The following MEIG1 variants were observed in gnomAD, a reference collection of about 807,000 sequenced individuals.
MEIG1 encodes the protein meiosis expressed gene 1 protein homolog.
In MEIG1, 12 loss-of-function variants were observed where a neutral mutation model predicts 11.3. The observed-to-expected ratio is 1.07, with a 90% CI of 0.68 to 1.73. MEIG1 has a LOEUF of 1.73. MEIG1 is among the 40% of genes most tolerant of loss of function. MEIG1 has a pLI of 0.00. For synonymous variants in MEIG1, 41 were observed against 33.2 expected (o/e 1.24, Z -0.81); for missense variants, 119 against 104.9 (o/e 1.13, Z -0.59).
downstream of MEIG1, among the ~76,000 whole-genome samples, chr10:14,975,405 T>G (rs553892267): frequency 2.6e-5 from 4 of 152,132 alleles, no homozygotes; most frequent in Non-Finnish European, 2.9e-5. Context: ...ACTCCCAATA[T>G]GGCAGGGGGT....
chr10:14,977,507 C>T (rs1266311531), downstream of MEIG1, among the ~76,000 whole-genome samples: 2 of 151,994 alleles, frequency 1.3e-5, no homozygotes, highest in African/African-American at 4.8e-5. Context: ...CCTATAATGT[C>T]ACAGGGGGTG....
At chr10:14,987,673 G>A (rs1378076102) in intron 2 of MEIG1, 1 of 350,944 alleles carries the variant, frequency 2.8e-6, no homozygotes, top group Non-Finnish European at 5.3e-6. Flanking sequence ...AAAATCCACT[G>A]AAGAATATCA....
At chr10:14,954,276 C>A in the MEIG1 span, 2 of 567,718 alleles carry the variant, frequency 3.5e-6, no homozygotes, top group Non-Finnish European at 6.3e-6. Context: ...AAGGCTCATT[C>A]CCGCCCAACA....
At chr10:14,972,445 G>T in intron 2 of MEIG1, 68 bp from the exon 3 acceptor site, 2 of 1,592,412 alleles carry the variant, frequency 1.3e-6, no homozygotes, top group Non-Finnish European at 1.7e-6. Context: ...TTAACTATTT[G>T]ATAGTAAAAT....
At chr10:14,979,345 C>T (rs757655659) in intron 1 of MEIG1, among the ~76,000 whole-genome samples, 1 of 151,930 alleles carries the variant, frequency 6.6e-6, no homozygotes, top group Non-Finnish European at 1.5e-5. Flanking sequence ...AGGAGGTGTA[C>T]ACCCTGTGAT....
intron 2 of MEIG1, among the ~76,000 whole-genome samples, chr10:14,971,134 C>G (rs1430587130): frequency 6.6e-6 from 1 of 151,306 alleles, no homozygotes; most frequent in African/African-American, 2.4e-5. Context: ...CACCTGCAAT[C>G]CCAACACTTT....
chr10:14,967,706 C>G (rs1020575732), intron 2 of MEIG1, among the ~76,000 whole-genome samples: 1 of 152,086 alleles, frequency 6.6e-6, no homozygotes, highest in African/African-American at 2.4e-5. Context: ...TTGTGTATAA[C>G]TTTTGACTCC....
downstream of MEIG1, among the ~76,000 whole-genome samples, chr10:14,976,045 G>T (rs147990492): frequency 7.6e-3 from 1,151 of 152,248 alleles, 8 homozygotes; most frequent in African/African-American, 0.027. Flanking sequence ...TAATATCCAG[G>T]GGGGGACCGG....
At chr10:14,955,464 G>T (rs1842920795), upstream of MEIG1, among the ~76,000 whole-genome samples, 1 of 152,140 alleles carries the variant, frequency 6.6e-6, no homozygotes, top group Non-Finnish European at 1.5e-5. Flanking sequence ...CAGCACTTTG[G>T]AGGGCTGAGG....
chr10:14,980,096 T>A (rs1047119401), intron 1 of MEIG1, among the ~76,000 whole-genome samples: 2 of 152,002 alleles, frequency 1.3e-5, no homozygotes, highest in African/African-American at 4.8e-5. Flanking sequence ...GTTACTAGTG[T>A]CACCATGCCT....
chr10:14,986,035 G>A (rs915012153), intron 1 of MEIG1, among the ~76,000 whole-genome samples: 3 of 151,890 alleles, frequency 2.0e-5, no homozygotes, highest in Admixed American at 1.3e-4. Context: ...TATCACAGTG[G>A]GTGTACCCCA....
At chr10:14,976,099 T>A (rs1030203199), downstream of MEIG1, among the ~76,000 whole-genome samples, 1 of 152,076 alleles carries the variant, frequency 6.6e-6, no homozygotes, top group Non-Finnish European at 1.5e-5. Context: ...TCCGCCCCCT[T>A]GCGACGGGAA....
downstream of MEIG1, among the ~76,000 whole-genome samples, chr10:14,976,782 T>C (rs1347961065): frequency 6.6e-6 from 1 of 152,100 alleles, no homozygotes. Flanking sequence ...CACCCTTTCA[T>C]ATTCTTCATA....
chr10:14,963,285 G>A (rs762995279), intron 1 of MEIG1, among the ~76,000 whole-genome samples: 1 of 151,052 alleles, frequency 6.6e-6, no homozygotes, highest in African/African-American at 2.4e-5. Context: ...TAGTAGCGAC[G>A]GGTTTCTCCA....
chr10:14,981,518 T>C (rs1346181841), intron 1 of MEIG1, among the ~76,000 whole-genome samples: 1 of 152,134 alleles, frequency 6.6e-6, no homozygotes, highest in African/African-American at 2.4e-5. Context: ...TCAAGAGTCT[T>C]TTTGGATAAG....
chr10:14,983,651 AAGAAG>A (rs2131284628), intron 1 of MEIG1, among the ~76,000 whole-genome samples: 1 of 152,122 alleles, frequency 6.6e-6, no homozygotes, highest in Non-Finnish European at 1.5e-5. Context: ...TATTATCCAG[AAGAAG>A]AGAAGATGAT....
At chr10:14,956,442 C>T (rs1046578342), upstream of MEIG1, among the ~76,000 whole-genome samples, 7 of 151,442 alleles carry the variant, frequency 4.6e-5, no homozygotes, top group Admixed American at 6.6e-5. Context: ...AATAGCCAGG[C>T]ATGGAGTCAG....
At chr10:14,964,585 G>GTGTGTGTA (rs1378376059) in intron 1 of MEIG1, among the ~76,000 whole-genome samples, 11 of 93,032 alleles carry the variant, frequency 1.2e-4, no homozygotes, top group South Asian at 1.1e-3. Flanking sequence ...GTGTGTGTGT[G>GTGTGTGTA]TATATATATA....
At position 14,967,504 on chromosome 10, in the gene MEIG1, A is replaced by AT. The variant is rs34624834; in HGVS notation, c.138+916dup. Among the ~76,000 whole-genome samples the AT allele has an allele frequency of 2.7e-3, 364 of 135,312 alleles. 2 individuals are homozygous for AT. Among genetic ancestry groups the AT allele is most frequent in the Non-Finnish European group, 3.3e-3 (203 of 61,652 alleles). The allele number at this position is 135,312 out of a possible 152,430, so 88.8% of individuals were successfully genotyped here. On this transcript the variant is annotated intron_variant, in intron 2 of 2. Transcript: ENST00000407572. Reference sequence around the variant, plus strand: ...TATTTATTCTCTTGGCTACTAAGATATTTTTTTTTTTTTTTTTTGAGACAG... The same window carrying AT: ...TATTTATTCTCTTGGCTACTAAGATATTTTTTTTTTTTTTTTTTTGAGACAG...
Sources: gnomAD v4.1 joint callset for allele counts (sites outside exome capture counted in the v4.1 genomes callset) on GRCh38, gnomAD v4.1.1 for gene constraint, MANE v1.5 for transcripts, NCBI Gene and HGNC (gene_info 2026-07-23, HGNC 2026-07-21) for gene names.